The following MAMLD1 variants were observed in gnomAD, a reference collection of about 807,000 sequenced individuals.
MAMLD1 encodes the protein mastermind-like domain-containing protein 1.
Under a neutral mutation model 45.0 loss-of-function variants are expected in MAMLD1, and 14 were observed. The ratio of observed to expected loss-of-function variants is 0.31; its 90% CI spans 0.21 to 0.49. The LOEUF (loss-of-function observed/expected upper bound fraction) is 0.49, where lower values mean the gene tolerates loss of function less well. Ranked by LOEUF, MAMLD1 falls within the 20% of genes least tolerant of loss-of-function variation. The pLI is 0.99. For missense variants in MAMLD1, 543 were observed against 603.6 expected, an observed-to-expected ratio of 0.90 and a Z score of 1.05; for synonymous variants, 254 against 247.8, an observed-to-expected ratio of 1.02 and a Z score of -0.24.
intron 2 of MAMLD1, among the ~76,000 whole-genome samples, chrX:150,457,126 G>A (rs148491635): frequency 3.2e-4 from 36 of 112,741 alleles, no homozygotes; most frequent in Non-Finnish European, 6.0e-4. Context: ...CCTGGTCACC[G>A]CATTTGTTCA....
rs1557406501 is a variant in MAMLD1, at chrX:150,471,185, A to G, written c.1612A>G (p.Thr538Ala). 1 of 1,211,854 alleles carries G rather than the reference A, an allele frequency of 8.3e-7. No homozygotes were observed. The highest frequency in any genetic ancestry group is 2.2e-5 in the Admixed American group (1 of 46,065). The stretch of plus-strand genomic sequence containing the variant: ...CAGCCCAGGAGCCACGGAGCCATTT[A>G]CTTTTGGCAACACCAAGCCCTTGTC... ...SSSPGATEPF[T>A]FGNTKPLSHF... Residue 538 changes from threonine to alanine, a missense_variant, in exon 4 of 8, where the codon ACT becomes GCT. Coordinates refer to ENST00000370401, the MANE Select transcript of MAMLD1 (RefSeq NM_005491.5).
At chrX:150,411,910 C>A (rs1166147299) in intron 1 of MAMLD1, among the ~76,000 whole-genome samples, 1 of 111,493 alleles carries the variant, frequency 9.0e-6, no homozygotes, top group African/African-American at 3.3e-5. Context: ...GTTTGCTGTG[C>A]AAATCACATG....
intron 1 of MAMLD1, among the ~76,000 whole-genome samples, chrX:150,398,388 A>G (rs12847812): frequency 2.7e-5 from 3 of 109,160 alleles, no homozygotes; most frequent in African/African-American, 1.0e-4. Context: ...AAGAAGAGGA[A>G]GAAGAAGAAG....
intron 5 of MAMLD1, among the ~76,000 whole-genome samples, chrX:150,489,893 T>C (rs2037127385): frequency 9.1e-6 from 1 of 110,439 alleles, no homozygotes; most frequent in African/African-American, 3.3e-5. Flanking sequence ...TCTGTGACAA[T>C]TGGGGCGAGA....
Position 150,439,791 on chromosome X carries a change from C to A in MAMLD1, c.-63-5663C>A, listed in dbSNP as rs782616462. ...CTCTACCAAAAATACAAAAATTAGC[C>A]GGGCATGGTGTAGTCTCAGCTACCT... On this transcript the variant is annotated intron_variant, in intron 1 of 7. Coordinates refer to ENST00000370401, the MANE Select transcript of MAMLD1 (RefSeq NM_005491.5). Among the ~76,000 whole-genome samples the A allele has an allele frequency of 2.4e-4, 27 of 111,003 alleles. No individual in the cohort carries two copies. The South Asian group carries it at 0.01, about 41-fold the overall frequency.
In MAMLD1 at chrX:150,513,323, A is replaced by G. The variant is rs1450708959; in HGVS notation, c.*1364A>G. The G allele has an allele frequency of 2.7e-6, 1 of 372,439 alleles. No homozygotes were observed. Among genetic ancestry groups the G allele is most frequent in the African/African-American group, 2.5e-5 (1 of 39,584 alleles). The allele number at this position is 372,439 out of a possible 1,213,427, so 30.7% of individuals were successfully genotyped here. A position where few individuals can be genotyped will look rare whatever the true frequency, so the allele number is the denominator to read the frequency against. ...TTTATACTTCATTTTGTGACTTTGTAAATAAAGCGACGGCTTTTGTTTCAG... is the reference window on the plus strand; with the variant it reads ...TTTATACTTCATTTTGTGACTTTGTGAATAAAGCGACGGCTTTTGTTTCAG... On this transcript the variant is annotated 3_prime_UTR_variant, in exon 8 of 8. Transcript: ENST00000370401.
chrX:150,384,126 T>C (rs1284625169), intron 1 of MAMLD1, among the ~76,000 whole-genome samples: 1 of 112,003 alleles, frequency 8.9e-6, no homozygotes, highest in African/African-American at 3.2e-5. Context: ...CTTGGGCATA[T>C]ACCTAGGAAT....
chrX:150,461,234 T>C (rs1028608478), intron 2 of MAMLD1, among the ~76,000 whole-genome samples: 1 of 112,926 alleles, frequency 8.9e-6, no homozygotes, highest in Non-Finnish European at 1.9e-5. Flanking sequence ...GTGGTCCTTC[T>C]GTGCATGGGC....
chrX:150,377,570 A>G (rs2032384491), intron 1 of MAMLD1, among the ~76,000 whole-genome samples: 2 of 110,745 alleles, frequency 1.8e-5, no homozygotes, highest in South Asian at 7.7e-4. Flanking sequence ...GTTTCTTAGA[A>G]ACTCACCCAT....
At chrX:150,372,397 A>G (rs955959547) in intron 1 of MAMLD1, among the ~76,000 whole-genome samples, 1 of 111,242 alleles carries the variant, frequency 9.0e-6, no homozygotes, top group African/African-American at 3.3e-5. Context: ...CAGTGTTAAT[A>G]TCTGCCTCTG....
chrX:150,397,001 G>T (rs782500997), intron 1 of MAMLD1, among the ~76,000 whole-genome samples: 8 of 111,950 alleles, frequency 7.1e-5, no homozygotes, highest in Non-Finnish European at 1.3e-4. Flanking sequence ...ACTTTAAATT[G>T]TGGTAAAATG....
intron 2 of MAMLD1, among the ~76,000 whole-genome samples, chrX:150,450,390 C>T (rs782415687): frequency 1.8e-5 from 2 of 111,759 alleles, no homozygotes; most frequent in Non-Finnish European, 3.8e-5. Flanking sequence ...AGGCTGAAGG[C>T]GCGGCACAGG....
chrX:150,366,595 A>G, intron 1 of MAMLD1, among the ~76,000 whole-genome samples: 1 of 112,237 alleles, frequency 8.9e-6, no homozygotes. Context: ...CAGAGCAGCT[A>G]ATCAGCTTCT....
intron 1 of MAMLD1, among the ~76,000 whole-genome samples, chrX:150,398,337 A>AGAAGAG (rs781831991): frequency 0.024 from 1,264 of 52,010 alleles, 54 homozygotes; most frequent in Middle Eastern, 0.03. Flanking sequence ...AAGAAGAAGA[A>AGAAGAG]GAAGAGGAAG....
Position 150,445,479 on chromosome X carries a change from C to T in MAMLD1, c.-38C>T, listed in dbSNP as rs2035456245. 11 of 1,085,724 alleles carry T rather than the reference C, an allele frequency of 1.0e-5. No individual in the cohort carries two copies. The highest frequency in any genetic ancestry group is 3.0e-5 in the East Asian group (1 of 33,265). 89.5% of individuals were successfully genotyped at this position (1,085,724 alleles called of 1,213,427 possible). A position where few individuals can be genotyped will look rare whatever the true frequency, so the allele number is the denominator to read the frequency against. On this transcript the variant is annotated 5_prime_UTR_variant, in exon 2 of 8. It adds an upstream start codon to the 5' untranslated region. Coordinates refer to ENST00000370401, the MANE Select transcript of MAMLD1 (RefSeq NM_005491.5). ...CCCTGTGTCTAGGTCGTTTGGGAAA[C>T]GCCTTGGAGAGTCAAGAATAAATTT...
chrX:150,438,497 G>A (rs782421069), intron 1 of MAMLD1, among the ~76,000 whole-genome samples: 12 of 111,740 alleles, frequency 1.1e-4, no homozygotes, highest in East Asian at 2.8e-4. Flanking sequence ...ATACTCATTC[G>A]GCAGTTAGTC....
At chrX:150,394,083 A>G (rs2033303731) in intron 1 of MAMLD1, among the ~76,000 whole-genome samples, 1 of 55,866 alleles carries the variant, frequency 1.8e-5, no homozygotes, top group African/African-American at 6.8e-5. Context: ...TCTATGATTC[A>G]TTTTGAGTTA....
intron 6 of MAMLD1, among the ~76,000 whole-genome samples, chrX:150,508,206 C>T (rs1004141000): frequency 1.8e-5 from 2 of 112,687 alleles, no homozygotes; most frequent in Non-Finnish European, 3.8e-5. Flanking sequence ...CTGACCATCT[C>T]AGGCAGATCC....
intron 1 of MAMLD1, among the ~76,000 whole-genome samples, chrX:150,393,595 A>T (rs1285383322): frequency 2.7e-5 from 3 of 111,953 alleles, no homozygotes; most frequent in African/African-American, 9.7e-5. Context: ...CCACATCTTC[A>T]CCAGTATTTG....
Sources: gnomAD v4.1 joint callset for allele counts (sites outside exome capture counted in the v4.1 genomes callset) on GRCh38, gnomAD v4.1.1 for gene constraint, MANE v1.5 for transcripts, NCBI Gene and HGNC (gene_info 2026-07-23, HGNC 2026-07-21) for gene names.